Variants in SGCD observed in about 807,000 individuals in gnomAD.
The protein encoded by SGCD is delta-sarcoglycan.
Under a neutral mutation model 36.6 loss-of-function variants are expected in SGCD, and 18 were observed. The ratio of observed to expected loss-of-function variants is 0.49; its 90% confidence interval spans 0.34 to 0.73. SGCD has a LOEUF of 0.73. Ranked by LOEUF, SGCD falls within the 30% of genes least tolerant of loss-of-function variation. SGCD has a pLI of 0.01. For missense variants in SGCD, 387 were observed against 346.7 expected (o/e 1.12, Z -0.92); for synonymous variants, 133 against 130.6 (o/e 1.02, Z -0.12).
Position 156,703,109 on chromosome 5 carries a change from G to T in SGCD, c.576-54472G>T, listed in dbSNP as rs1754592448. Among the ~76,000 whole-genome samples, 3 of 152,212 alleles carry T rather than the reference G, an allele frequency of 2.0e-5. No individual in the cohort carries two copies. In the South Asian group the frequency reaches 6.2e-4, roughly 32 times the overall value. ...ACTCTGACATGATGTTGCTTGCAATGCTTGCTATGCCGCCAGTAATAAAGT... is the reference window on the plus strand; with the variant it reads ...ACTCTGACATGATGTTGCTTGCAATTCTTGCTATGCCGCCAGTAATAAAGT... On this transcript the variant is annotated intron_variant, in intron 7 of 8. Coordinates refer to ENST00000337851, the MANE Select transcript of SGCD (RefSeq NM_000337.6).
At chr5:156,283,496 G>A (rs1231873859) in intron 3 of SGCD, among the ~76,000 whole-genome samples, 2 of 152,126 alleles carry the variant, frequency 1.3e-5, no homozygotes, top group African/African-American at 4.8e-5. Context: ...AAACTGTGAT[G>A]AGCTGATGAG....
chr5:156,218,934 A>G (rs1764650009), intron 3 of SGCD, among the ~76,000 whole-genome samples: 1 of 152,190 alleles, frequency 6.6e-6, no homozygotes, highest in Admixed American at 6.5e-5. Context: ...TTTTGTACAT[A>G]GCAGACTCAC....
chr5:156,677,636 AT>A (rs933969831), intron 7 of SGCD, among the ~76,000 whole-genome samples: 1 of 152,130 alleles, frequency 6.6e-6, no homozygotes, highest in Non-Finnish European at 1.5e-5. Flanking sequence ...ATGTACACAT[AT>A]GTAACAAACC....
chr5:156,616,401 G>C (rs1310590512), intron 6 of SGCD, among the ~76,000 whole-genome samples: 1 of 152,184 alleles, frequency 6.6e-6, no homozygotes, highest in Non-Finnish European at 1.5e-5. Flanking sequence ...GAAAATTGGG[G>C]TGTTGTTATC....
chr5:156,502,326 G>A (rs1212458579), intron 3 of SGCD, among the ~76,000 whole-genome samples: 5 of 151,968 alleles, frequency 3.3e-5, no homozygotes, highest in African/African-American at 7.2e-5. Context: ...GATTACAGGC[G>A]TGAGCCACCA....
At chr5:156,172,747 C>T (rs1048667796) in intron 3 of SGCD, among the ~76,000 whole-genome samples, 2 of 134,360 alleles carry the variant, frequency 1.5e-5, no homozygotes, top group African/African-American at 6.0e-5. Context: ...TCTGGCTAAA[C>T]ATTTAGTGAT....
At chr5:155,787,798 G>T in the SGCD span, among the ~76,000 whole-genome samples, 1 of 152,136 alleles carries the variant, frequency 6.6e-6, no homozygotes, top group Non-Finnish European at 1.5e-5. Flanking sequence ...AGAAATGGAG[G>T]TTGTAAGCAG....
chr5:156,254,908 G>C (rs78041468), intron 3 of SGCD, among the ~76,000 whole-genome samples: 11 of 152,184 alleles, frequency 7.2e-5, no homozygotes, highest in Non-Finnish European at 1.5e-4. Context: ...TTCTAGTACA[G>C]ATTGAGCATC....
At chr5:156,743,259 C>A (rs1756780914) in intron 7 of SGCD, among the ~76,000 whole-genome samples, 1 of 151,966 alleles carries the variant, frequency 6.6e-6, no homozygotes, top group Admixed American at 6.6e-5. Flanking sequence ...TTACAGGCAC[C>A]CACCATCACA....
chr5:156,208,513 T>C (rs374342576), intron 3 of SGCD, among the ~76,000 whole-genome samples: 2 of 152,172 alleles, frequency 1.3e-5, no homozygotes, highest in African/African-American at 2.4e-5. Context: ...GTGGGTGATA[T>C]AGGTGTATCA....
At chr5:156,679,290 A>G (rs1386046614) in intron 7 of SGCD, among the ~76,000 whole-genome samples, 2 of 152,212 alleles carry the variant, frequency 1.3e-5, no homozygotes, top group African/African-American at 2.4e-5. Flanking sequence ...CCACTAGACC[A>G]TATATTACCT....
intron 1 of SGCD, among the ~76,000 whole-genome samples, chr5:155,948,448 T>C (rs937080941): frequency 1.3e-5 from 2 of 152,224 alleles, no homozygotes; most frequent in Non-Finnish European, 2.9e-5. Flanking sequence ...GTTATTAATA[T>C]GGATTCAAAT....
intron 3 of SGCD, among the ~76,000 whole-genome samples, chr5:156,427,495 T>C (rs1420071995): frequency 6.6e-6 from 1 of 152,124 alleles, no homozygotes; most frequent in Non-Finnish European, 1.5e-5. Context: ...GCGACAGTTT[T>C]ACTTCCTGTT....
At chr5:156,504,753 G>T (rs1014356234) in intron 3 of SGCD, among the ~76,000 whole-genome samples, 15 of 152,242 alleles carry the variant, frequency 9.9e-5, no homozygotes, top group African/African-American at 3.6e-4. Flanking sequence ...GAGGTAAATC[G>T]TGAAAAGCAC....
At chr5:155,962,912 A>G (rs112892683) in intron 1 of SGCD, among the ~76,000 whole-genome samples, 1,968 of 152,184 alleles carry the variant, frequency 0.013, 18 homozygotes, top group Non-Finnish European at 0.023. Context: ...CATTTCGGCA[A>G]CTCTGCTAGT....
At chr5:156,725,552 G>A (rs765049334) in intron 7 of SGCD, among the ~76,000 whole-genome samples, 2 of 152,200 alleles carry the variant, frequency 1.3e-5, no homozygotes, top group Admixed American at 6.5e-5. Flanking sequence ...CCATCTGTAA[G>A]ACAGATGATC....
intron 7 of SGCD, among the ~76,000 whole-genome samples, chr5:156,703,540 A>G (rs1161487919): frequency 1.3e-5 from 2 of 152,126 alleles, no homozygotes; most frequent in Non-Finnish European, 2.9e-5. Context: ...ATGATGTGAA[A>G]ACTGATTGAA....
intron 2 of SGCD, 42 bp from the exon 3 acceptor site, chr5:156,344,447 C>G: frequency 7.5e-7 from 1 of 1,333,686 alleles, no homozygotes; most frequent in Middle Eastern, 2.2e-4. Flanking sequence ...CTTCTCTCAG[C>G]GGTTTAATGT....
At chr5:156,358,708 G>A (rs999959658) in intron 3 of SGCD, among the ~76,000 whole-genome samples, 1 of 152,202 alleles carries the variant, frequency 6.6e-6, no homozygotes, top group African/African-American at 2.4e-5. Flanking sequence ...AAGAAGGCAG[G>A]AAGGGGTGAT....
Sources: allele counts gnomAD v4.1 joint callset (sites outside exome capture counted in the v4.1 genomes callset), GRCh38; gene constraint gnomAD v4.1.1; transcripts MANE v1.5; gene names NCBI Gene and HGNC (gene_info 2026-07-23, HGNC 2026-07-21).